The following CDH7 variants were observed in gnomAD, a reference collection of about 807,000 sequenced individuals.
The protein encoded by CDH7 is cadherin 7, also known as cadherin-7.
A neutral mutation model predicts 71.8 loss-of-function variants in CDH7; 25 were observed. The ratio of observed to expected loss-of-function variants is 0.35; its 90% CI spans 0.25 to 0.49. The LOEUF (loss-of-function observed/expected upper bound fraction) is 0.49. Ranked by LOEUF, CDH7 falls within the 20% of genes least tolerant of loss-of-function variation. The probability of loss-of-function intolerance (pLI) is 0.99; values close to 1 mark genes in which losing one functional copy is unlikely to be tolerated. For synonymous variants in CDH7, 381 were observed against 363.8 expected, an observed-to-expected ratio of 1.05 and a Z score of -0.54; for missense variants, 862 against 974.6, an observed-to-expected ratio of 0.88 and a Z score of 1.54.
intron 10 of CDH7, among the ~76,000 whole-genome samples, chr18:65,860,232 T>C (rs145686366): frequency 2.6e-5 from 4 of 152,316 alleles, no homozygotes; most frequent in Admixed American, 1.3e-4. Context: ...CAACTTTGAC[T>C]TAATGTTTTC....
Position 65,761,049 on chromosome 18 carries a change from A to T in CDH7, c.-196-1598A>T, listed in dbSNP as rs1045379831. ...CTAGGGTGGTTTCTAAATGGAATAAATTTATTTTTGATCCTTGGATAGGGT... is the reference window on the plus strand; with the variant it reads ...CTAGGGTGGTTTCTAAATGGAATAATTTTATTTTTGATCCTTGGATAGGGT... On this transcript the variant is annotated intron_variant, in intron 1 of 11. Coordinates refer to ENST00000397968, the MANE Select transcript of CDH7 (RefSeq NM_004361.5). Among the ~76,000 whole-genome samples, 46 of 152,156 alleles carry T rather than the reference A, an allele frequency of 3.0e-4. 1 individual carries two copies. The highest frequency in any genetic ancestry group is 2.6e-3 in the Admixed American group (39 of 15,280).
At position 65,888,354 on chromosome 18, in the gene CDH7, A is replaced by G. The variant is rs1914427690; in HGVS notation, c.*7460A>G. ...TATTTTTAAAAAATAAGAAAAAATT[A>G]TCACAGAGTAAGATACATAGAAGAA... On this transcript the variant is annotated 3_prime_UTR_variant, in exon 12 of 12. Transcript: ENST00000397968. The G allele has an allele frequency of 6.6e-6, 1 of 152,154 alleles. No individual in the cohort carries two copies. The highest frequency in any genetic ancestry group is 2.4e-5 in the African/African-American group (1 of 41,452). 9.4% of individuals were successfully genotyped at this position (152,154 alleles called of 1,614,324 possible).
chr18:65,786,411 G>GCC (rs150817763), intron 2 of CDH7, among the ~76,000 whole-genome samples: 51 of 151,728 alleles, frequency 3.4e-4, no homozygotes, highest in African/African-American at 9.7e-4. Flanking sequence ...GCCCACAACC[G>GCC]CCCCCCCAGT....
At chr18:65,849,365 TTTTCTTTTC>T (rs1913054959) in intron 7 of CDH7, among the ~76,000 whole-genome samples, 1 of 41,504 alleles carries the variant, frequency 2.4e-5, no homozygotes, top group Non-Finnish European at 4.5e-5. Flanking sequence ...TTTTCTTTTC[TTTTCTTTTC>T]TTTTCTTTTC....
chr18:65,870,247 AAAG>A (rs1913888518), intron 11 of CDH7, among the ~76,000 whole-genome samples: 1 of 152,178 alleles, frequency 6.6e-6, no homozygotes, highest in Admixed American at 6.5e-5. Context: ...TGCAAAAATA[AAAG>A]TAGTAGAGTT....
At chr18:65,835,842 A>G (rs1912514262) in intron 6 of CDH7, among the ~76,000 whole-genome samples, 2 of 152,222 alleles carry the variant, frequency 1.3e-5, no homozygotes, top group Admixed American at 1.3e-4. Context: ...ATATTCACAG[A>G]ATATGTGAAC....
In CDH7 at chr18:65,809,874, G is replaced by A. The variant is rs1911464707; in HGVS notation, c.381G>A (p.Arg127=). Residue 127 remains arginine (R), a synonymous_variant, in exon 3 of 12, where the codon AGG becomes AGA. Coordinates refer to ENST00000397968, the MANE Select transcript of CDH7 (RefSeq NM_004361.5). ...YYTLRAQALD[R]LTNKPVEPES... ...CGCTCCGAGCTCAAGCGCTGGATAG[G>A]CTCACCAACAAACCCGTGGAGCCCG... The A allele has an allele frequency of 6.2e-7, 1 of 1,613,822 alleles. No homozygotes were observed. Among genetic ancestry groups the A allele is most frequent in the African/African-American group, 1.3e-5 (1 of 74,816 alleles).
At chr18:65,845,252 T>C (rs965634686) in intron 7 of CDH7, among the ~76,000 whole-genome samples, 1 of 151,630 alleles carries the variant, frequency 6.6e-6, no homozygotes, top group Non-Finnish European at 1.5e-5. Context: ...TAGTAAAGGA[T>C]TGGTATAGAA....
At chr18:65,758,908 A>T (rs1347024162) in intron 1 of CDH7, among the ~76,000 whole-genome samples, 1 of 152,220 alleles carries the variant, frequency 6.6e-6, no homozygotes, top group African/African-American at 2.4e-5. Context: ...GATAGGGTAG[A>T]TCTCCTTCTT....
intron 6 of CDH7, among the ~76,000 whole-genome samples, chr18:65,829,638 C>A (rs1179961474): frequency 6.6e-6 from 1 of 151,768 alleles, no homozygotes; most frequent in Non-Finnish European, 1.5e-5. Flanking sequence ...CTGTTGACTC[C>A]CCTGCACTCT....
At chr18:65,840,610 A>T (rs1912695418) in intron 6 of CDH7, among the ~76,000 whole-genome samples, 1 of 152,044 alleles carries the variant, frequency 6.6e-6, no homozygotes, top group South Asian at 2.1e-4. Flanking sequence ...ATGTCTCATG[A>T]GATCTGATGG....
At chr18:65,780,296 C>T (rs1383075902) in intron 2 of CDH7, among the ~76,000 whole-genome samples, 4 of 116,078 alleles carry the variant, frequency 3.4e-5, no homozygotes, top group African/African-American at 1.5e-4. Flanking sequence ...TGTGCAGAAG[C>T]TCTTTAGTTT....
chr18:65,810,842 C>T (rs2143909084), intron 3 of CDH7, among the ~76,000 whole-genome samples: 1 of 152,124 alleles, frequency 6.6e-6, no homozygotes, highest in African/African-American at 2.4e-5. Flanking sequence ...AAGGAGTTAC[C>T]CATTTGGAGA....
intron 7 of CDH7, 32 bp from the exon 8 acceptor site, chr18:65,857,784 G>A (rs770815796): frequency 8.7e-6 from 14 of 1,603,598 alleles, no homozygotes; most frequent in Non-Finnish European, 1.2e-5. Flanking sequence ...CGTACATGTT[G>A]AAGGCTTTTC....
intron 6 of CDH7, among the ~76,000 whole-genome samples, chr18:65,829,728 A>C (rs754241232): frequency 9.2e-5 from 14 of 151,720 alleles, no homozygotes; most frequent in Non-Finnish European, 1.8e-4. Flanking sequence ...TAAACAGAAG[A>C]AGCACAGCGC....
chr18:65,803,450 A>G (rs1568193782), intron 2 of CDH7: 2 of 152,174 alleles, frequency 1.3e-5, no homozygotes, highest in African/African-American at 4.8e-5. Flanking sequence ...TGTTTGTAAA[A>G]CAATTAATAT....
intron 11 of CDH7, among the ~76,000 whole-genome samples, chr18:65,876,014 G>T (rs922621650): frequency 1.3e-5 from 2 of 152,112 alleles, no homozygotes; most frequent in African/African-American, 2.4e-5. Flanking sequence ...TCGCAGTAGG[G>T]TGTTGTAGTT....
chr18:65,797,867 C>A (rs1429215845), intron 2 of CDH7, among the ~76,000 whole-genome samples: 2 of 152,184 alleles, frequency 1.3e-5, no homozygotes, highest in African/African-American at 4.8e-5. Context: ...TTACCTCAAA[C>A]TTCCTCTGTA....
At chr18:65,777,376 C>T (rs1909985162) in intron 2 of CDH7, among the ~76,000 whole-genome samples, 1 of 151,966 alleles carries the variant, frequency 6.6e-6, no homozygotes, top group Admixed American at 6.6e-5. Context: ...TGATAAAATG[C>T]ATGTTAAACG....
Sources: allele counts gnomAD v4.1 joint callset (sites outside exome capture counted in the v4.1 genomes callset), GRCh38; gene constraint gnomAD v4.1.1; transcripts MANE v1.5; gene names NCBI Gene and HGNC (gene_info 2026-07-23, HGNC 2026-07-21).